Variants in CELF1 observed in about 807,000 individuals in gnomAD.
The protein encoded by CELF1 is 50 kDa nuclear polyadenylated RNA-binding protein.
In CELF1, 10 loss-of-function variants were observed where a neutral mutation model predicts 61.8. The observed-to-expected ratio is 0.16, with a 90% confidence interval of 0.10 to 0.27. The LOEUF is 0.27. Among genes scored for constraint, CELF1 ranks in the 10% least tolerant of loss-of-function variants. CELF1 has a pLI of 1.00. For missense variants in CELF1, 380 were observed against 639.1 expected, an observed-to-expected ratio of 0.59 and a Z score of 4.37; for synonymous variants, 236 against 225.1, an observed-to-expected ratio of 1.05 and a Z score of -0.43.
chr11:47,559,603 G>A (rs2097219453), intron 2 of CELF1, among the ~76,000 whole-genome samples: 1 of 152,140 alleles, frequency 6.6e-6, no homozygotes, highest in East Asian at 1.9e-4. Context: ...TCCCACCTCA[G>A]GTAGATGTGA....
chr11:47,536,158 C>T (rs1327853318), intron 1 of CELF1, among the ~76,000 whole-genome samples: 1 of 152,058 alleles, frequency 6.6e-6, no homozygotes, highest in African/African-American at 2.4e-5. Context: ...CACTTGAGGC[C>T]AAGAGTTTGA....
intron 2 of CELF1, among the ~76,000 whole-genome samples, chr11:47,500,180 C>A (rs529717948): frequency 6.6e-6 from 1 of 151,676 alleles, no homozygotes; most frequent in African/African-American, 2.4e-5. Context: ...CAACTGCCTA[C>A]AGTTGATCAG....
At chr11:47,533,809 C>CAAAAAAAA (rs58856403) in intron 1 of CELF1, among the ~76,000 whole-genome samples, 1 of 85,304 alleles carries the variant, frequency 1.2e-5, no homozygotes, top group Non-Finnish European at 2.1e-5. Context: ...GACTCTCCCC[C>CAAAAAAAA]AAAAAAAAAA....
intron 1 of CELF1, among the ~76,000 whole-genome samples, chr11:47,505,672 C>T (rs573827667): frequency 1.4e-5 from 2 of 147,362 alleles, no homozygotes; most frequent in Admixed American, 6.9e-5. Context: ...GTATGTTAGC[C>T]GGGCACAGTG....
chr11:47,553,114 T>TGCCGCC lies in CELF1; in HGVS notation c.-282_-277dup, dbSNP rs1337206864. The stretch of plus-strand genomic sequence containing the variant: ...CTCCGCGTCCCGCCGCCGCTGCCGC[T>TGCCGCC]GCCGCCAGAGCAGAACACCCCAAAA... On this transcript the variant is annotated 5_prime_UTR_variant, in exon 1 of 15. Coordinates refer to ENST00000687097, the MANE Select transcript of CELF1 (RefSeq NM_001376376.1). 79 of 398,190 alleles carry TGCCGCC rather than the reference T, an allele frequency of 2.0e-4. 1 individual carries two copies. The highest frequency in any genetic ancestry group is 1.7e-3 in the Admixed American group (39 of 22,658). 24.7% of individuals were successfully genotyped at this position (398,190 alleles called of 1,614,324 possible).
intron 11 of CELF1, 162 bp from the exon 12 acceptor site, chr11:47,477,121 T>C (rs1164520671): frequency 3.4e-5 from 30 of 889,830 alleles, no homozygotes; most frequent in African/African-American, 1.3e-4. Context: ...CCACAGCACA[T>C]TGAAAATCAG....
intron 1 of CELF1, among the ~76,000 whole-genome samples, chr11:47,551,703 T>C (rs2097141070): frequency 3.9e-5 from 6 of 151,948 alleles, no homozygotes; most frequent in Admixed American, 3.9e-4. Context: ...TCAAAGACAG[T>C]GAAAAGAACT....
intron 1 of CELF1, among the ~76,000 whole-genome samples, chr11:47,548,108 G>A (rs1044559606): frequency 6.6e-6 from 1 of 152,094 alleles, no homozygotes; most frequent in African/African-American, 2.4e-5. Flanking sequence ...AGACCAGCCT[G>A]GCCAAGATGG....
intron 3 of CELF1, among the ~76,000 whole-genome samples, chr11:47,492,274 C>T (rs1018383547): frequency 2.6e-5 from 4 of 152,176 alleles, no homozygotes; most frequent in Admixed American, 2.6e-4. Context: ...AACTACTGCG[C>T]CTGGCCTATT....
chr11:47,543,566 A>G (rs2096862419), intron 1 of CELF1, among the ~76,000 whole-genome samples: 2 of 152,222 alleles, frequency 1.3e-5, no homozygotes, highest in Non-Finnish European at 2.9e-5. Flanking sequence ...TTCTAAGCCA[A>G]TTCTATGACA....
intron 1 of CELF1, among the ~76,000 whole-genome samples, chr11:47,548,486 C>T (rs901827690): frequency 6.6e-6 from 1 of 152,034 alleles, no homozygotes; most frequent in African/African-American, 2.4e-5. Context: ...TTTTGTGTAT[C>T]AAAGCATACA....
chr11:47,545,914 TA>T (rs1217350217), intron 1 of CELF1, among the ~76,000 whole-genome samples: 19 of 126,108 alleles, frequency 1.5e-4, no homozygotes, highest in African/African-American at 1.4e-4. Context: ...TGTATATATA[TA>T]TTTTTTTTTT....
intron 3 of CELF1, among the ~76,000 whole-genome samples, chr11:47,497,125 G>A (rs2093263694): frequency 6.6e-6 from 1 of 152,198 alleles, no homozygotes; most frequent in Non-Finnish European, 1.5e-5. Flanking sequence ...GGGTTCTAGT[G>A]AAGACAATAT....
intron 1 of CELF1, among the ~76,000 whole-genome samples, chr11:47,525,999 A>G (rs144174947): frequency 3.4e-4 from 52 of 152,012 alleles, no homozygotes; most frequent in African/African-American, 1.3e-3. Flanking sequence ...ACAGACCTAG[A>G]CTTTCTTGCT....
At chr11:47,538,849 T>C (rs1447267799) in intron 1 of CELF1, among the ~76,000 whole-genome samples, 1 of 152,136 alleles carries the variant, frequency 6.6e-6, no homozygotes, top group East Asian at 1.9e-4. Context: ...TATTAACATT[T>C]CTCAAAGAGA....
At chr11:47,555,621 C>CA (rs1337299433), upstream of CELF1, among the ~76,000 whole-genome samples, 3 of 151,970 alleles carry the variant, frequency 2.0e-5, no homozygotes, top group African/African-American at 7.2e-5. Flanking sequence ...AGTCCAAATA[C>CA]AAAAAAAGCC....
intron 2 of CELF1, 49 bp downstream of exon 2, chr11:47,500,812 C>G (rs1344167983): frequency 2.5e-6 from 1 of 398,108 alleles, no homozygotes; most frequent in Non-Finnish European, 4.4e-6. Context: ...CTGAAGGCTC[C>G]CAAATTTCAC....
At chr11:47,521,078 C>G (rs926573915) in intron 1 of CELF1, among the ~76,000 whole-genome samples, 4 of 151,930 alleles carry the variant, frequency 2.6e-5, no homozygotes, top group Non-Finnish European at 5.9e-5. Context: ...AGTGAAACCC[C>G]ATCTCTACTA....
chr11:47,532,183 A>G (rs1041405956), intron 1 of CELF1, among the ~76,000 whole-genome samples: 26 of 152,056 alleles, frequency 1.7e-4, no homozygotes, highest in African/African-American at 6.3e-4. Flanking sequence ...GGTACCCACC[A>G]CCAGGCCTAA....
Sources: gnomAD v4.1 joint callset for allele counts (sites outside exome capture counted in the v4.1 genomes callset) on GRCh38, gnomAD v4.1.1 for gene constraint, MANE v1.5 for transcripts, NCBI Gene and HGNC (gene_info 2026-07-23, HGNC 2026-07-21) for gene names.